Variants in TMTC1 observed in about 807,000 individuals in gnomAD.
The protein encoded by TMTC1 is protein O-mannosyl-transferase TMTC1.
Under a neutral mutation model 104.8 loss-of-function variants are expected in TMTC1, and 73 were observed. That is an observed-to-expected ratio of 0.70 (90% confidence interval 0.58 to 0.85). The LOEUF (loss-of-function observed/expected upper bound fraction) is 0.85, where lower values mean the gene tolerates loss of function less well. Among genes scored for constraint, TMTC1 ranks in the 40% least tolerant of loss-of-function variants. The pLI, the probability that TMTC1 is intolerant of heterozygous loss-of-function variation, is 0.00. For missense variants in TMTC1, 1,035 were observed against 1,096.1 expected (o/e 0.94, Z 0.79); for synonymous variants, 434 against 428.7 (o/e 1.01, Z -0.15).
At chr12:29,547,880 G>A (rs1458858010) in intron 10 of TMTC1, among the ~76,000 whole-genome samples, 2 of 152,200 alleles carry the variant, frequency 1.3e-5, no homozygotes, top group African/African-American at 4.8e-5. Context: ...ATAATGCACT[G>A]TGATAGAAGC....
intron 9 of TMTC1, among the ~76,000 whole-genome samples, chr12:29,562,115 T>C (rs923444161): frequency 6.6e-6 from 1 of 152,228 alleles, no homozygotes; most frequent in African/African-American, 2.4e-5. Flanking sequence ...TGTGACTAAA[T>C]TGCACTTGAG....
chr12:29,512,306 C>A (rs905134420), intron 16 of TMTC1, among the ~76,000 whole-genome samples, 186 bp from the exon 17 acceptor site: 1 of 152,160 alleles, frequency 6.6e-6, no homozygotes, highest in African/African-American at 2.4e-5. Flanking sequence ...GTGGAGGAAA[C>A]TGAAATGTAT....
chr12:29,746,997 C>T lies in TMTC1; in HGVS notation c.938+4669G>A, dbSNP rs1292119749. On this transcript the variant is annotated intron_variant, in intron 5 of 17. Coordinates refer to ENST00000539277, the MANE Select transcript of TMTC1 (RefSeq NM_001193451.2). ...AACAGTATTCAATGAATGAATGATC[C>T]ATAATATACCCTGAAGGGTAGCAGA... 2.0e-5 allele frequency among the ~76,000 whole-genome samples: 3 copies of T among 152,086 alleles called. No individual in the cohort carries two copies. The East Asian group carries it at 5.8e-4, about 29-fold the overall frequency.
intron 6 of TMTC1, among the ~76,000 whole-genome samples, chr12:29,619,252 G>A (rs145025006): frequency 0.013 from 1,927 of 152,302 alleles, 31 homozygotes; most frequent in African/African-American, 0.044. Context: ...GTAATTGCCT[G>A]TGAAGGCAAA....
At chr12:29,517,068 A>G (rs1944008249) in intron 14 of TMTC1, among the ~76,000 whole-genome samples, 1 of 152,258 alleles carries the variant, frequency 6.6e-6, no homozygotes, top group Non-Finnish European at 1.5e-5. Context: ...ATATACAAAC[A>G]TACATATCTA....
At chr12:29,637,643 T>C (rs1388248887) in intron 5 of TMTC1, among the ~76,000 whole-genome samples, 1 of 152,196 alleles carries the variant, frequency 6.6e-6, no homozygotes, top group Admixed American at 6.5e-5. Flanking sequence ...TGTGTGGCTC[T>C]TCACATCTAA....
intron 5 of TMTC1, among the ~76,000 whole-genome samples, chr12:29,708,777 C>G (rs916404263): frequency 6.6e-6 from 1 of 152,112 alleles, no homozygotes; most frequent in Non-Finnish European, 1.5e-5. Context: ...TTAGGCTAAC[C>G]TGTTTTTATA....
chr12:29,551,758 T>G (rs767607539), intron 10 of TMTC1, among the ~76,000 whole-genome samples: 5 of 152,084 alleles, frequency 3.3e-5, no homozygotes, highest in Non-Finnish European at 5.9e-5. Context: ...CATAAAAAGT[T>G]CATGCTAATC....
chr12:29,555,280 G>A (rs2136253554), intron 10 of TMTC1, among the ~76,000 whole-genome samples: 1 of 151,000 alleles, frequency 6.6e-6, no homozygotes, highest in East Asian at 2.0e-4. Flanking sequence ...CAGGATTACA[G>A]GCACAAGTCA....
At chr12:29,690,893 G>A (rs1028366446) in intron 5 of TMTC1, among the ~76,000 whole-genome samples, 9 of 152,286 alleles carry the variant, frequency 5.9e-5, no homozygotes, top group South Asian at 2.1e-4. Context: ...AGGAAATTAC[G>A]ACAGTAAAAG....
intron 5 of TMTC1, chr12:29,666,360 T>A (rs1940286915): frequency 2.9e-6 from 1 of 350,030 alleles, no homozygotes; most frequent in Non-Finnish European, 5.4e-6. Context: ...CCTGAGTAGC[T>A]GGGACTACCA....
intron 6 of TMTC1, among the ~76,000 whole-genome samples, chr12:29,615,900 G>T (rs1946965030): frequency 6.6e-6 from 1 of 152,108 alleles, no homozygotes; most frequent in Non-Finnish European, 1.5e-5. Context: ...TTTAAACATT[G>T]CCCAAAAATG....
chr12:29,714,182 G>A (rs302373), intron 5 of TMTC1, among the ~76,000 whole-genome samples: 95,359 of 152,050 alleles, frequency 0.63, 31,433 homozygotes, highest in South Asian at 0.77. Context: ...AATGGACTAA[G>A]ACAATAGTTT....
At chr12:29,546,846 C>T (rs1452365466) in intron 10 of TMTC1, among the ~76,000 whole-genome samples, 1 of 152,088 alleles carries the variant, frequency 6.6e-6, no homozygotes, top group Admixed American at 6.6e-5. Context: ...GCTATGATCG[C>T]ACCTGTGAAT....
chr12:29,685,883 A>T (rs1464852938), intron 5 of TMTC1, among the ~76,000 whole-genome samples: 1 of 151,360 alleles, frequency 6.6e-6, no homozygotes, highest in Non-Finnish European at 1.5e-5. Flanking sequence ...TCTTTAGCTC[A>T]TGCTTACTAT....
intron 10 of TMTC1, among the ~76,000 whole-genome samples, chr12:29,554,265 A>T (rs1945179981): frequency 6.6e-6 from 1 of 152,050 alleles, no homozygotes; most frequent in Non-Finnish European, 1.5e-5. Flanking sequence ...ACACTGTTTG[A>T]TTTGCTATTT....
At chr12:29,673,532 T>C (rs537999763) in intron 5 of TMTC1, among the ~76,000 whole-genome samples, 11 of 152,108 alleles carry the variant, frequency 7.2e-5, no homozygotes, top group East Asian at 5.8e-4. Context: ...AAACATAACA[T>C]AAAAAGCCCA....
intron 5 of TMTC1, among the ~76,000 whole-genome samples, chr12:29,704,102 T>C (rs1186958256): frequency 9.9e-5 from 15 of 152,150 alleles, no homozygotes; most frequent in Non-Finnish European, 7.3e-5. Flanking sequence ...CAAATACACT[T>C]AGGTTGAGTT....
chr12:29,672,263 A>G (rs961174613), intron 5 of TMTC1, among the ~76,000 whole-genome samples: 1 of 152,136 alleles, frequency 6.6e-6, no homozygotes, highest in African/African-American at 2.4e-5. Flanking sequence ...AGGAGTACAC[A>G]CAGAAGAAAA....
Sources: gnomAD v4.1 joint callset for allele counts (sites outside exome capture counted in the v4.1 genomes callset) on GRCh38, gnomAD v4.1.1 for gene constraint, MANE v1.5 for transcripts, NCBI Gene and HGNC (gene_info 2026-07-23, HGNC 2026-07-21) for gene names.